The following MRPL13 variants were observed in gnomAD, a reference collection of about 807,000 sequenced individuals.
MRPL13 encodes the protein mitochondrial ribosomal protein L13.
Under a neutral mutation model 29.0 loss-of-function variants are expected in MRPL13, and 33 were observed. That is an observed-to-expected ratio of 1.14 (90% confidence interval 0.86 to 1.52). The LOEUF (loss-of-function observed/expected upper bound fraction) is 1.52. Ranked by LOEUF, MRPL13 falls within the 40% of genes most tolerant of loss-of-function variation. The pLI, the probability that MRPL13 is intolerant of heterozygous loss-of-function variation, is 0.00. For synonymous variants in MRPL13, 77 were observed against 68.4 expected (o/e 1.13, Z -0.62); for missense variants, 227 against 216.7 (o/e 1.05, Z -0.30).
chr8:120,418,154 C>T lies in MRPL13; in HGVS notation c.393+1698G>A, dbSNP rs116943042. Among the ~76,000 whole-genome samples the T allele has an allele frequency of 3.4e-3, 516 of 151,902 alleles. 1 individual carries two copies. Among genetic ancestry groups the T allele is most frequent in the Non-Finnish European group, 6.0e-3 (406 of 67,950 alleles). On this transcript the variant is annotated intron_variant, in intron 5 of 6. Transcript: ENST00000306185. Reference sequence around the variant, plus strand: ...GCATACAAATGTAGTATGCCATCTACATTCTTTTTTACCTTGTTTGTTTTC... The same window carrying T: ...GCATACAAATGTAGTATGCCATCTATATTCTTTTTTACCTTGTTTGTTTTC...
chr8:120,397,055 G>A (rs1445256525), intron 6 of MRPL13, among the ~76,000 whole-genome samples: 2 of 152,294 alleles, frequency 1.3e-5, no homozygotes, highest in African/African-American at 2.4e-5. Context: ...CCTGGGAGTG[G>A]CATGGAGCCA....
At chr8:120,439,801 A>C (rs963077743) in intron 2 of MRPL13, among the ~76,000 whole-genome samples, 2 of 152,238 alleles carry the variant, frequency 1.3e-5, no homozygotes, top group Non-Finnish European at 2.9e-5. Flanking sequence ...AAAAGGTTAG[A>C]GCAGCAAGTA....
chr8:120,434,989 G>A (rs1164272673), intron 2 of MRPL13, among the ~76,000 whole-genome samples: 1 of 152,118 alleles, frequency 6.6e-6, no homozygotes, highest in Non-Finnish European at 1.5e-5. Context: ...AATCCCTAGT[G>A]TTCATTTTTA....
At chr8:120,411,667 A>G (rs1812740951) in intron 6 of MRPL13, among the ~76,000 whole-genome samples, 1 of 152,188 alleles carries the variant, frequency 6.6e-6, no homozygotes, top group African/African-American at 2.4e-5. Flanking sequence ...ACTATTTATG[A>G]GGAAAAAATC....
chr8:120,426,094 C>T (rs1347324285), intron 3 of MRPL13, among the ~76,000 whole-genome samples: 1 of 151,990 alleles, frequency 6.6e-6, no homozygotes, highest in Non-Finnish European at 1.5e-5. Context: ...TGCTATCTAC[C>T]TCAAAAGATT....
chr8:120,442,412 T>C (rs1813134690), intron 2 of MRPL13, among the ~76,000 whole-genome samples: 2 of 152,260 alleles, frequency 1.3e-5, no homozygotes, highest in Middle Eastern at 3.4e-3. Context: ...GCCAAAAAAA[T>C]TGGAAACAAA....
At chr8:120,440,272 G>A (rs1813102591) in intron 2 of MRPL13, among the ~76,000 whole-genome samples, 1 of 152,216 alleles carries the variant, frequency 6.6e-6, no homozygotes, top group Non-Finnish European at 1.5e-5. Flanking sequence ...AATAAGCTAT[G>A]CAGATATCTG....
intron 6 of MRPL13, among the ~76,000 whole-genome samples, chr8:120,411,796 G>A (rs1812743633): frequency 6.6e-6 from 1 of 152,074 alleles, no homozygotes; most frequent in African/African-American, 2.4e-5. Flanking sequence ...ACTAAAAAAT[G>A]CATCTAGTGG....
At chr8:120,417,298 G>A (rs1407625482) in intron 5 of MRPL13, among the ~76,000 whole-genome samples, 1 of 152,112 alleles carries the variant, frequency 6.6e-6, no homozygotes, top group African/African-American at 2.4e-5. Flanking sequence ...TAAAAGCAAT[G>A]GGAAGATTCC....
In MRPL13 at chr8:120,417,378, T is replaced by C. The variant is rs1004718853; in HGVS notation, c.393+2474A>G. 3.3e-5 allele frequency among the ~76,000 whole-genome samples: 5 copies of C among 152,180 alleles called. No homozygotes were observed. The East Asian group carries it at 7.7e-4, about 23-fold the overall frequency. Reference sequence around the variant, plus strand: ...TCTGTATTGTGGTATTTGGAAACTATAAATATCCTGCTCCACAATAACCTT... The same window carrying C: ...TCTGTATTGTGGTATTTGGAAACTACAAATATCCTGCTCCACAATAACCTT... On this transcript the variant is annotated intron_variant, in intron 5 of 6. Transcript: ENST00000306185.
chr8:120,426,855 C>T (rs182739677), intron 3 of MRPL13, among the ~76,000 whole-genome samples: 33 of 152,172 alleles, frequency 2.2e-4, no homozygotes, highest in Non-Finnish European at 3.8e-4. Flanking sequence ...AAATCCTGTC[C>T]TATTTAAAAT....
rs1459533189 is a variant in MRPL13, at chr8:120,402,886, CAT to C, written c.516-6763_516-6762del. ...AGAAGACATTCATGAGGCCAACAAA[CAT>C]ATGAAAAAAAGCTCAACATCACTGA... On this transcript the variant is annotated intron_variant, in intron 6 of 6. Coordinates refer to ENST00000306185, the MANE Select transcript of MRPL13 (RefSeq NM_014078.6). Among the ~76,000 whole-genome samples, 4 of 152,060 alleles carry C rather than the reference CAT, an allele frequency of 2.6e-5. No homozygotes were observed. In the South Asian group the frequency reaches 6.2e-4, roughly 24 times the overall value.
chr8:120,396,186 G>A, intron 6 of MRPL13, 61 bp from the exon 7 acceptor site: 2 of 1,254,208 alleles, frequency 1.6e-6, no homozygotes, highest in Non-Finnish European at 1.1e-6. Context: ...CCTGACTGAT[G>A]AGGATTATTT....
chr8:120,444,763 G>T (rs927626210), intron 1 of MRPL13, among the ~76,000 whole-genome samples: 1 of 152,014 alleles, frequency 6.6e-6, no homozygotes, highest in Non-Finnish European at 1.5e-5. Flanking sequence ...ACAAATTATT[G>T]CAAGGGCCTA....
chr8:120,408,949 G>C (rs1353008089), intron 6 of MRPL13, among the ~76,000 whole-genome samples: 1 of 152,142 alleles, frequency 6.6e-6, no homozygotes, highest in African/African-American at 2.4e-5. Flanking sequence ...TTCTTTTACA[G>C]AGCTGAATGG....
chr8:120,408,014 G>A (rs1255799507), intron 6 of MRPL13, among the ~76,000 whole-genome samples: 1 of 152,180 alleles, frequency 6.6e-6, no homozygotes, highest in Non-Finnish European at 1.5e-5. Context: ...CAGGAAATCT[G>A]GTGACATCAC....
intron 3 of MRPL13, 61 bp downstream of exon 3, chr8:120,431,969 C>A: frequency 8.6e-7 from 1 of 1,159,328 alleles, no homozygotes; most frequent in Non-Finnish European, 1.2e-6. Flanking sequence ...GTAAGAACAA[C>A]TGTATTCTTA....
intron 6 of MRPL13, among the ~76,000 whole-genome samples, chr8:120,396,656 A>G (rs1320389803): frequency 1.3e-5 from 2 of 152,230 alleles, no homozygotes; most frequent in Admixed American, 1.3e-4. Context: ...TTATGCAATT[A>G]TAAGATTAAC....
chr8:120,408,639 G>C (rs1383032677), intron 6 of MRPL13, among the ~76,000 whole-genome samples: 2 of 152,160 alleles, frequency 1.3e-5, no homozygotes, highest in Non-Finnish European at 2.9e-5. Context: ...TAGACTAGAA[G>C]AAAATTATGG....
Sources: gnomAD v4.1 joint callset for allele counts (sites outside exome capture counted in the v4.1 genomes callset) on GRCh38, gnomAD v4.1.1 for gene constraint, MANE v1.5 for transcripts, NCBI Gene and HGNC (gene_info 2026-07-23, HGNC 2026-07-21) for gene names.